Variants in PARVB observed in about 807,000 individuals in gnomAD.
PARVB encodes parvin beta.
In PARVB, 46 loss-of-function variants were observed where a neutral mutation model predicts 47.0. The ratio of observed to expected loss-of-function variants is 0.98; its 90% confidence interval spans 0.77 to 1.25. The LOEUF (loss-of-function observed/expected upper bound fraction) is 1.25. Ranked by LOEUF, PARVB falls within the 50% of genes most tolerant of loss-of-function variation. The probability of loss-of-function intolerance (pLI) is 0.00; values close to 1 mark genes in which losing one functional copy is unlikely to be tolerated. For synonymous variants in PARVB, 196 were observed against 196.3 expected (o/e 1.00, Z 0.01); for missense variants, 473 against 471.6 (o/e 1.00, Z -0.03).
chr22:44,078,117 G>A (rs766499235), intron 1 of PARVB, among the ~76,000 whole-genome samples: 41 of 152,312 alleles, frequency 2.7e-4, no homozygotes, highest in South Asian at 2.1e-3. Flanking sequence ...AGCTCACAGC[G>A]TGGGTCCTTG....
chr22:44,059,020 A>G (rs1228799246), intron 1 of PARVB, among the ~76,000 whole-genome samples: 2 of 131,678 alleles, frequency 1.5e-5, no homozygotes, highest in African/African-American at 5.7e-5. Context: ...GTATCTTCTT[A>G]GTTCTGCACA....
chr22:44,133,744 C>T (rs1383819635), intron 6 of PARVB, among the ~76,000 whole-genome samples: 1 of 152,052 alleles, frequency 6.6e-6, no homozygotes, highest in Non-Finnish European at 1.5e-5. Context: ...GCTATGTTGC[C>T]CAAGCTGGTC....
At chr22:44,033,790 A>T (rs1238655526) in intron 1 of PARVB, among the ~76,000 whole-genome samples, 3 of 152,228 alleles carry the variant, frequency 2.0e-5, no homozygotes, top group African/African-American at 7.2e-5. Context: ...TTAAAAAGTT[A>T]AAGAGGGAGT....
upstream of PARVB, among the ~76,000 whole-genome samples, chr22:44,021,812 CACACAG>C (rs1180981474): frequency 3.9e-3 from 535 of 136,926 alleles, 11 homozygotes; most frequent in African/African-American, 0.014. Flanking sequence ...CACACACACA[CACACAG>C]GGCCTAGTAG....
At chr22:44,110,498 G>A (rs2052671711) in intron 3 of PARVB, 1 of 152,200 alleles carries the variant, frequency 6.6e-6, no homozygotes, top group South Asian at 2.1e-4. Flanking sequence ...AGTCAGGTGT[G>A]AAACAGTGGA....
At chr22:44,146,291 C>CCT (rs1417533550) in intron 8 of PARVB, 2 of 109,980 alleles carry the variant, frequency 1.8e-5, no homozygotes, top group East Asian at 4.6e-4. Flanking sequence ...TCACACACAA[C>CCT]CTCACACGCA....
intron 1 of PARVB, 39 bp from the exon 2 acceptor site, chr22:44,093,889 T>TGTATACTAACCTG: frequency 7.2e-7 from 1 of 1,381,100 alleles, no homozygotes; most frequent in Non-Finnish European, 1.0e-6. Flanking sequence ...CGGCACTCCG[T>TGTATACTAACCTG]GTATACTAAC....
chr22:44,156,466 A>T (rs1281345477), intron 10 of PARVB, among the ~76,000 whole-genome samples: 1 of 151,902 alleles, frequency 6.6e-6, no homozygotes, highest in Admixed American at 6.6e-5. Context: ...TTTACTAGAG[A>T]CGGGGTTTCA....
chr22:44,106,823 T>C (rs2052579351), intron 3 of PARVB: 1 of 151,906 alleles, frequency 6.6e-6, no homozygotes, highest in Admixed American at 6.6e-5. Flanking sequence ...AAAAAAATCC[T>C]TAGCTCTGGG....
At chr22:44,121,733 G>GT (rs1484370396) in intron 4 of PARVB, among the ~76,000 whole-genome samples, 10 of 152,234 alleles carry the variant, frequency 6.6e-5, no homozygotes, top group Non-Finnish European at 1.3e-4. Flanking sequence ...CAAATATATA[G>GT]TTTTTTAAAA....
At chr22:44,028,312 G>T (rs13058606) in intron 1 of PARVB, among the ~76,000 whole-genome samples, 102,627 of 151,196 alleles carry the variant, frequency 0.68, 35,497 homozygotes, top group East Asian at 0.8. Flanking sequence ...TCATTTTTTT[G>T]TTTTGTTTTT....
chr22:43,999,553 C>A, exon 2 of PARVB: 1 of 1,595,770 alleles, frequency 6.3e-7, no homozygotes, highest in Non-Finnish European at 8.6e-7. Context: ...GGAGCTGAGA[C>A]GTGGGTGTTC....
chr22:44,043,303 T>C (rs2051052305), intron 1 of PARVB, among the ~76,000 whole-genome samples: 1 of 152,212 alleles, frequency 6.6e-6, no homozygotes. Flanking sequence ...ACGAAAATGT[T>C]CTTACATTGA....
intron 2 of PARVB, among the ~76,000 whole-genome samples, chr22:44,016,213 C>T (rs1331325009): frequency 6.6e-6 from 1 of 151,760 alleles, no homozygotes; most frequent in Non-Finnish European, 1.5e-5. Flanking sequence ...TCTCCTGCCT[C>T]AGCCTCCCGA....
upstream of PARVB, among the ~76,000 whole-genome samples, chr22:44,020,866 C>A (rs1009115899): frequency 6.7e-4 from 102 of 151,996 alleles, no homozygotes; most frequent in African/African-American, 2.3e-3. Flanking sequence ...CTGCAACCTC[C>A]ACCTCCTGGG....
At chr22:44,050,062 G>A (rs976333977) in intron 1 of PARVB, among the ~76,000 whole-genome samples, 26 of 152,130 alleles carry the variant, frequency 1.7e-4, no homozygotes, top group African/African-American at 1.9e-4. Context: ...TGCCCCAGCC[G>A]TATTTAGTTC....
intron 1 of PARVB, among the ~76,000 whole-genome samples, chr22:44,048,233 A>T (rs1251708240): frequency 6.6e-6 from 1 of 152,170 alleles, no homozygotes; most frequent in Non-Finnish European, 1.5e-5. Flanking sequence ...ATGAAACTGA[A>T]AGCACTTGTC....
At chr22:44,071,934 C>T (rs1309356206) in intron 1 of PARVB, among the ~76,000 whole-genome samples, 1 of 152,224 alleles carries the variant, frequency 6.6e-6, no homozygotes, top group Non-Finnish European at 1.5e-5. Flanking sequence ...CGCAGCTGGG[C>T]GGCCTCTTCT....
chr22:44,119,386 G>T (rs2052989743), intron 4 of PARVB, among the ~76,000 whole-genome samples: 1 of 152,236 alleles, frequency 6.6e-6, no homozygotes, highest in Admixed American at 6.5e-5. Context: ...TTCCAAAACT[G>T]CCTGCGGCTC....
Sources: allele counts gnomAD v4.1 joint callset (sites outside exome capture counted in the v4.1 genomes callset), GRCh38; gene constraint gnomAD v4.1.1; transcripts MANE v1.5; gene names NCBI Gene and HGNC (gene_info 2026-07-23, HGNC 2026-07-21).